Variants in JAK1 observed in about 807,000 individuals in gnomAD.
JAK1 encodes the protein Janus kinase 1, also known as tyrosine-protein kinase JAK1.
In JAK1, 16 loss-of-function variants were observed where a neutral mutation model predicts 136.6. That is an observed-to-expected ratio of 0.12 (90% CI 0.08 to 0.18). JAK1 has a LOEUF of 0.18. Among genes scored for constraint, JAK1 ranks in the 10% least tolerant of loss-of-function variants. The pLI, the probability that JAK1 is intolerant of heterozygous loss-of-function variation, is 1.00. For missense variants in JAK1, 859 were observed against 1,450.1 expected, an observed-to-expected ratio of 0.59 and a Z score of 6.62; for synonymous variants, 492 against 519.5, an observed-to-expected ratio of 0.95 and a Z score of 0.72.
At chr1:65,063,804 C>CAAAAAAAAAA (rs370192253) in intron 1 of JAK1, among the ~76,000 whole-genome samples, 1 of 81,372 alleles carries the variant, frequency 1.2e-5, no homozygotes, top group African/African-American at 4.2e-5. Context: ...GACTCTATCT[C>CAAAAAAAAAA]AAAAAAAAAA....
At position 64,879,156 on chromosome 1, in the gene JAK1, A is replaced by G. The variant is rs1461243362; in HGVS notation, c.206-8T>C. 1 of 1,613,732 alleles carries G rather than the reference A, an allele frequency of 6.2e-7. No individual in the cohort carries two copies. Among genetic ancestry groups the G allele is most frequent in the Non-Finnish European group, 8.5e-7 (1 of 1,179,766 alleles). On this transcript the variant is annotated splice_polypyrimidine_tract_variant and splice_region_variant and intron_variant, in intron 3 of 24. Coordinates refer to ENST00000342505, the MANE Select transcript of JAK1 (RefSeq NM_002227.4). ...GACAAAGAGGAGAGATACCTGAGGA[A>G]AAGTAAAAAAACACATCAGAAAATC...
intron 1 of JAK1, among the ~76,000 whole-genome samples, chr1:64,955,467 A>G (rs1646169724): frequency 6.6e-6 from 1 of 152,222 alleles, no homozygotes; most frequent in Admixed American, 6.5e-5. Context: ...GAACACAGAA[A>G]AGCATGGGAA....
exon 2 of JAK1, among the ~76,000 whole-genome samples, chr1:65,044,520 TAG>T (rs1231528494): frequency 6.6e-6 from 1 of 152,326 alleles, no homozygotes; most frequent in Non-Finnish European, 1.5e-5. Context: ...CTTGGTGCTG[TAG>T]AGAGTCAACG....
At chr1:64,895,167 C>G (rs1305571695) in intron 1 of JAK1, among the ~76,000 whole-genome samples, 1 of 152,160 alleles carries the variant, frequency 6.6e-6, no homozygotes, top group East Asian at 1.9e-4. Context: ...GACAGCCATG[C>G]TTAAAACAGC....
rs1015555785 is a variant in JAK1 at position 64,984,914 on chromosome 1, G to T, written c.-78+59566C>A. The T allele has an allele frequency of 4.3e-5, 50 of 1,176,462 alleles. No homozygotes were observed. The highest frequency in any genetic ancestry group is 5.1e-6 in the Non-Finnish European group (4 of 785,416). 72.9% of individuals were successfully genotyped at this position (1,176,462 alleles called of 1,614,324 possible). Reference sequence around the variant, plus strand: ...CCATCACAGCTGGGCCAGGGCCCTGGCTGAAGAGTTCAGCCACAATAAACC... The same window carrying T: ...CCATCACAGCTGGGCCAGGGCCCTGTCTGAAGAGTTCAGCCACAATAAACC... On this transcript the variant is annotated intron_variant, in intron 2 of 25. Transcript: ENST00000671954. The surrounding 1 kb of genome is among the most constrained non-coding windows in gnomAD (Gnocchi z 4.1).
intron 2 of JAK1, among the ~76,000 whole-genome samples, chr1:65,009,324 T>TA (rs971655612): frequency 1.1e-4 from 17 of 152,136 alleles, no homozygotes; most frequent in Admixed American, 3.3e-4. Flanking sequence ...GAAACATTTC[T>TA]AAAAAAACAT....
intron 2 of JAK1, among the ~76,000 whole-genome samples, chr1:64,884,114 G>A (rs1433920792): frequency 1.3e-5 from 2 of 152,090 alleles, no homozygotes; most frequent in Non-Finnish European, 2.9e-5. Context: ...CAGGAGGAGC[G>A]GCAGGACTTT....
At chr1:64,961,128 A>C (rs1646276037) in intron 1 of JAK1, among the ~76,000 whole-genome samples, 1 of 152,180 alleles carries the variant, frequency 6.6e-6, no homozygotes, top group Non-Finnish European at 1.5e-5. Flanking sequence ...TCTTGTATTT[A>C]ATTTCCTAAT....
chr1:64,939,804 A>T (rs969333829), intron 1 of JAK1, among the ~76,000 whole-genome samples: 1 of 152,200 alleles, frequency 6.6e-6, no homozygotes, highest in African/African-American at 2.4e-5. Flanking sequence ...TAAAAGTGGG[A>T]ACCAGAAACA....
At chr1:64,964,138 A>C (rs1192805290) in intron 1 of JAK1, among the ~76,000 whole-genome samples, 1 of 152,236 alleles carries the variant, frequency 6.6e-6, no homozygotes, top group Admixed American at 6.5e-5. Context: ...TCCATTAATA[A>C]GCCAATTCCC....
At chr1:64,870,447 T>C (rs954860411) in intron 5 of JAK1, among the ~76,000 whole-genome samples, 1 of 151,768 alleles carries the variant, frequency 6.6e-6, no homozygotes, top group Admixed American at 6.6e-5. Flanking sequence ...TGACTAGGAG[T>C]ATCTAACGTC....
intron 2 of JAK1, among the ~76,000 whole-genome samples, chr1:65,024,677 A>AAAAG (rs1557763211): frequency 1.6e-4 from 24 of 150,324 alleles, no homozygotes; most frequent in Non-Finnish European, 4.4e-5. Flanking sequence ...AAAAAAAAAA[A>AAAAG]AAAGAAAGAA....
At chr1:64,988,948 G>GTATA (rs1483068078) in intron 2 of JAK1, among the ~76,000 whole-genome samples, 1 of 125,088 alleles carries the variant, frequency 8.0e-6, no homozygotes, top group African/African-American at 3.1e-5. Flanking sequence ...ATATGTATGT[G>GTATA]TATATATATG....
intron 1 of JAK1, among the ~76,000 whole-genome samples, chr1:64,934,568 A>C (rs537776200): frequency 6.6e-6 from 1 of 152,200 alleles, no homozygotes; most frequent in Non-Finnish European, 1.5e-5. Flanking sequence ...GTGGACCCAC[A>C]AGAGTGCCCC....
intron 17 of JAK1, among the ~76,000 whole-genome samples, chr1:64,842,465 T>C (rs1316602239): frequency 4.8e-5 from 2 of 41,932 alleles, no homozygotes; most frequent in African/African-American, 9.0e-5. Flanking sequence ...TGGGGTGGGG[T>C]GGGGTGGGCA....
chr1:64,931,352 T>C (rs57701325), intron 1 of JAK1, among the ~76,000 whole-genome samples: 1,907 of 152,036 alleles, frequency 0.013, 40 homozygotes, highest in African/African-American at 0.044. Flanking sequence ...AGACTACAAC[T>C]CCCATAAGAA....
chr1:64,938,101 C>T (rs556412447), intron 1 of JAK1, among the ~76,000 whole-genome samples: 16 of 151,794 alleles, frequency 1.1e-4, no homozygotes, highest in African/African-American at 3.9e-4. Context: ...AGGATGGTCT[C>T]GATCTCCTGA....
intron 8 of JAK1, among the ~76,000 whole-genome samples, chr1:64,860,982 T>TGTGTG (rs1656295869): frequency 1.2e-5 from 1 of 83,428 alleles, no homozygotes; most frequent in Non-Finnish European, 2.4e-5. Flanking sequence ...GTGTGTGTGT[T>TGTGTG]GGGGGTGACG....
intron 1 of JAK1, among the ~76,000 whole-genome samples, chr1:64,941,212 T>C (rs774336323): frequency 6.6e-6 from 1 of 152,108 alleles, no homozygotes; most frequent in Non-Finnish European, 1.5e-5. Flanking sequence ...GTGGTTATTA[T>C]AAGAATAAAT....
Sources: gnomAD v4.1 joint callset for allele counts (sites outside exome capture counted in the v4.1 genomes callset) on GRCh38, gnomAD v4.1.1 for gene constraint, Gnocchi (gnomAD v3.1) non-coding constraint, MANE v1.5 for transcripts, NCBI Gene and HGNC (gene_info 2026-07-23, HGNC 2026-07-21) for gene names.